CPVL: variants seen among roughly 807,000 people sequenced by gnomAD.
CPVL encodes probable serine carboxypeptidase CPVL.
Under a neutral mutation model 63.7 loss-of-function variants are expected in CPVL, and 51 were observed. The ratio of observed to expected loss-of-function variants is 0.80; its 90% CI spans 0.64 to 1.01. The LOEUF (loss-of-function observed/expected upper bound fraction) is 1.01. Ranked by LOEUF, CPVL falls within the 50% of genes least tolerant of loss-of-function variation. The pLI is 0.00. For synonymous variants in CPVL, 195 were observed against 206.0 expected (o/e 0.95, Z 0.46); for missense variants, 530 against 573.1 (o/e 0.92, Z 0.77).
At chr7:29,097,455 G>A (rs1175333262) in intron 3 of CPVL, among the ~76,000 whole-genome samples, 1 of 152,238 alleles carries the variant, frequency 6.6e-6, no homozygotes, top group Non-Finnish European at 1.5e-5. Context: ...AGCACTTTGG[G>A]AGGCCAAGGC....
chr7:29,080,897 CA>C (rs1784646892), intron 7 of CPVL, among the ~76,000 whole-genome samples: 1 of 152,204 alleles, frequency 6.6e-6, no homozygotes, highest in African/African-American at 2.4e-5. Flanking sequence ...ATTATGGTTG[CA>C]AAACTGTTTA....
intron 5 of CPVL, among the ~76,000 whole-genome samples, chr7:29,162,576 ACTTGAACC>A (rs1453479986): frequency 6.6e-6 from 1 of 151,060 alleles, no homozygotes; most frequent in Non-Finnish European, 1.5e-5. Context: ...CAGGAGAATC[ACTTGAACC>A]CGGAAGGCGG....
intron 2 of CPVL, among the ~76,000 whole-genome samples, chr7:29,120,076 C>T (rs960062505): frequency 6.6e-6 from 1 of 152,196 alleles, no homozygotes; most frequent in African/African-American, 2.4e-5. Flanking sequence ...TCAACCCCGG[C>T]TAATTCTCAT....
intron 11 of CPVL, among the ~76,000 whole-genome samples, chr7:29,060,738 A>G (rs1791188116): frequency 6.6e-6 from 1 of 152,222 alleles, no homozygotes; most frequent in South Asian, 2.1e-4. Flanking sequence ...TCCTTCAACC[A>G]TCAGAGATGC....
chr7:29,064,332 A>T, intron 10 of CPVL, 98 bp from the exon 11 acceptor site: 1 of 625,810 alleles, frequency 1.6e-6, no homozygotes, highest in East Asian at 2.8e-5. Context: ...TACAACATGG[A>T]GAAACGTGAC....
intron 3 of CPVL, among the ~76,000 whole-genome samples, chr7:29,099,509 C>T (rs950037403): frequency 2.0e-5 from 3 of 152,070 alleles, no homozygotes; most frequent in African/African-American, 2.4e-5. Context: ...GTCAGGAGTT[C>T]GAGACCAGCC....
chr7:29,082,962 G>C (rs184133426), intron 7 of CPVL, among the ~76,000 whole-genome samples: 1 of 152,256 alleles, frequency 6.6e-6, no homozygotes, highest in East Asian at 1.9e-4. Context: ...CAGGGTTGTT[G>C]CCAAATAATG....
intron 7 of CPVL, among the ~76,000 whole-genome samples, chr7:29,081,785 G>C (rs1784743112): frequency 6.6e-6 from 1 of 152,026 alleles, no homozygotes; most frequent in Admixed American, 6.6e-5. Context: ...ATCATGTGTT[G>C]GGTACTCACC....
Position 29,066,139 on chromosome 7 carries a change from G to A in CPVL, c.865-18C>T, listed in dbSNP as rs1157658579. 1 of 1,229,560 alleles carries A rather than the reference G, an allele frequency of 8.1e-7. No homozygotes were observed. Among genetic ancestry groups the A allele is most frequent in the African/African-American group, 1.5e-5 (1 of 66,014 alleles). 76.2% of individuals were successfully genotyped at this position (1,229,560 alleles called of 1,614,324 possible). Reference sequence around the variant, plus strand: ...TCCAGTATCTAGGTTGGGAGAGAGGGAGAAAGAAAGAAAGAAAGAAAACAT... The same window carrying A: ...TCCAGTATCTAGGTTGGGAGAGAGGAAGAAAGAAAGAAAGAAAGAAAACAT... On this transcript the variant is annotated intron_variant, in intron 9 of 12. Coordinates refer to ENST00000265394, the MANE Select transcript of CPVL (RefSeq NM_031311.5).
At chr7:29,137,923 T>C (rs1791418633) in intron 1 of CPVL, among the ~76,000 whole-genome samples, 1 of 152,178 alleles carries the variant, frequency 6.6e-6, no homozygotes, top group South Asian at 2.1e-4. Context: ...TTTCTAGATA[T>C]GCTAAGAATC....
chr7:28,999,750 G>A (rs317696), intron 12 of CPVL, among the ~76,000 whole-genome samples: 28,306 of 152,230 alleles, frequency 0.19, 2,729 homozygotes, highest in Middle Eastern at 0.24. Flanking sequence ...ATTGCGGGAA[G>A]AGAAAGCTTG....
intron 1 of CPVL, among the ~76,000 whole-genome samples, chr7:29,187,663 G>A (rs1420770686): frequency 6.6e-6 from 1 of 152,076 alleles, no homozygotes; most frequent in Non-Finnish European, 1.5e-5. Context: ...GGGAGGCAGA[G>A]GTTGCAATGA....
At chr7:29,004,847 T>C (rs1034105172) in intron 12 of CPVL, among the ~76,000 whole-genome samples, 1 of 152,032 alleles carries the variant, frequency 6.6e-6, no homozygotes, top group African/African-American at 2.4e-5. Context: ...ACAATACTTA[T>C]AAAATGATGC....
In CPVL at chr7:29,092,632, T is replaced by A; in HGVS notation, c.533A>T (p.Asp178Val). 6.2e-7 allele frequency: 1 copy of A among 1,612,582 alleles called. No homozygotes were observed. The highest frequency in any genetic ancestry group is 8.5e-7 in the Non-Finnish European group (1 of 1,178,542). The change falls in exon 6 of 13, where the codon GAT (aspartate) becomes GTT (valine). Residue 178 changes from aspartate (D) to valine (V), a missense_variant. By Grantham distance (152) the Asp-to-Val change is radical (BLOSUM62 -3). Transcript: ENST00000265394. ...AGCAGGAGCATTTTACCTGTATAAATCCCGTGCTACATCGTCCTCATTGAC... is the reference window on the plus strand; with the variant it reads ...AGCAGGAGCATTTTACCTGTATAAAACCCGTGCTACATCGTCCTCATTGAC... ...YAVNEDDVAR[D>V]LYSALIQFFQ...
intron 3 of CPVL, among the ~76,000 whole-genome samples, chr7:29,111,022 G>GT (rs1274099927): frequency 5.3e-5 from 8 of 152,234 alleles, no homozygotes; most frequent in Admixed American, 5.2e-4. Flanking sequence ...GCCTCCAGAA[G>GT]TACCACAACC....
intron 11 of CPVL, among the ~76,000 whole-genome samples, chr7:29,059,939 T>G (rs1457148823): frequency 6.6e-6 from 1 of 152,228 alleles, no homozygotes; most frequent in Admixed American, 6.5e-5. Flanking sequence ...GACCTCAGTT[T>G]CAACAAATCT....
chr7:29,022,614 A>G (rs1261358143), intron 12 of CPVL, among the ~76,000 whole-genome samples: 1 of 152,166 alleles, frequency 6.6e-6, no homozygotes, highest in Admixed American at 6.5e-5. Flanking sequence ...CATGCCTTCT[A>G]TGGAGCTGAC....
At chr7:29,022,996 G>A (rs770196846) in intron 12 of CPVL, among the ~76,000 whole-genome samples, 1 of 152,252 alleles carries the variant, frequency 6.6e-6, no homozygotes. Context: ...GCAGTCACCT[G>A]TATATGTACC....
chr7:29,085,230 G>C (rs1356254647), intron 7 of CPVL, among the ~76,000 whole-genome samples: 1 of 152,194 alleles, frequency 6.6e-6, no homozygotes, highest in Admixed American at 6.5e-5. Context: ...GAAAGTACAA[G>C]AAGTACAAGA....
Sources: gnomAD v4.1 joint callset for allele counts (sites outside exome capture counted in the v4.1 genomes callset) on GRCh38, gnomAD v4.1.1 for gene constraint, MANE v1.5 for transcripts, NCBI Gene and HGNC (gene_info 2026-07-23, HGNC 2026-07-21) for gene names.